DENND4A: variants seen among roughly 807,000 people sequenced by gnomAD.
The protein encoded by DENND4A is DENN domain containing 4A.
In DENND4A, 70 loss-of-function variants were observed where a neutral mutation model predicts 199.3. The ratio of observed to expected loss-of-function variants is 0.35; its 90% CI spans 0.29 to 0.43. The LOEUF (loss-of-function observed/expected upper bound fraction) is 0.43, where lower values mean the gene tolerates loss of function less well. Ranked by LOEUF, DENND4A falls within the 20% of genes least tolerant of loss-of-function variation. The pLI, the probability that DENND4A is intolerant of heterozygous loss-of-function variation, is 1.00. For missense variants in DENND4A, 1,723 were observed against 2,255.8 expected (o/e 0.76, Z 4.78); for synonymous variants, 686 against 766.9 (o/e 0.89, Z 1.74).
At chr15:65,688,395 A>C (rs570527890) in intron 23 of DENND4A, among the ~76,000 whole-genome samples, 52 of 152,244 alleles carry the variant, frequency 3.4e-4, no homozygotes, top group Non-Finnish European at 5.4e-4. Context: ...CTGGTCCTTT[A>C]TACCAAGTAA....
intron 11 of DENND4A, among the ~76,000 whole-genome samples, chr15:65,728,430 T>C (rs2075869727): frequency 6.6e-6 from 1 of 152,140 alleles, no homozygotes; most frequent in African/African-American, 2.4e-5. Flanking sequence ...AATAAACTTT[T>C]TCTATTTCTA....
intron 15 of DENND4A, among the ~76,000 whole-genome samples, chr15:65,705,551 G>T (rs2075020475): frequency 6.6e-6 from 1 of 152,098 alleles, no homozygotes; most frequent in African/African-American, 2.4e-5. Context: ...TTAGCACAGT[G>T]TCTAACCAAA....
At position 65,773,913 on chromosome 15, in the gene DENND4A, T is replaced by A. The variant is rs563853250; in HGVS notation, c.-101-12475A>T. Among the ~76,000 whole-genome samples the A allele has an allele frequency of 3.9e-5, 6 of 152,276 alleles. No individual in the cohort carries two copies. The South Asian group carries it at 1.2e-3, about 32-fold the overall frequency. On this transcript the variant is annotated intron_variant, in intron 1 of 32. Coordinates refer to ENST00000443035, the MANE Select transcript of DENND4A (RefSeq NM_001320835.1). ...TATTTTTAATGGGGTGGAGGAGGAA[T>A]CATGAATGAGTGGATAAAGGAATTG...
chr15:65,707,204 A>C (rs2075092143), intron 14 of DENND4A, among the ~76,000 whole-genome samples: 1 of 152,140 alleles, frequency 6.6e-6, no homozygotes, highest in African/African-American at 2.4e-5. Context: ...ATCCAGAAAA[A>C]ATGAAAACTT....
At chr15:65,700,119 C>T (rs759428831) in intron 20 of DENND4A, among the ~76,000 whole-genome samples, 2 of 152,070 alleles carry the variant, frequency 1.3e-5, no homozygotes, top group African/African-American at 2.4e-5. Context: ...TAATACCTTA[C>T]ATAACCATAG....
chr15:65,729,434 T>C, intron 10 of DENND4A, 100 bp downstream of exon 10: 4 of 1,461,790 alleles, frequency 2.7e-6, no homozygotes, highest in Non-Finnish European at 3.7e-6. Flanking sequence ...AATTCATTAC[T>C]CTCTGAATTT....
At chr15:65,678,114 G>C (rs2076448591) in intron 23 of DENND4A, among the ~76,000 whole-genome samples, 1 of 151,904 alleles carries the variant, frequency 6.6e-6, no homozygotes, top group Non-Finnish European at 1.5e-5. Flanking sequence ...TTGTAGTAGA[G>C]ACGGGGTTTC....
chr15:65,775,500 G>A (rs1009751553), intron 1 of DENND4A, among the ~76,000 whole-genome samples: 1 of 151,584 alleles, frequency 6.6e-6, no homozygotes, highest in African/African-American at 2.4e-5. Flanking sequence ...AATTAGCCGG[G>A]TGTGGTGATG....
intron 11 of DENND4A, among the ~76,000 whole-genome samples, chr15:65,725,078 T>C (rs1022968634): frequency 6.6e-6 from 1 of 152,222 alleles, no homozygotes; most frequent in African/African-American, 2.4e-5. Context: ...ATCTTCCCTC[T>C]AAAACTTGGC....
At position 65,701,611 on chromosome 15, in the gene DENND4A, A is replaced by C. The variant is rs1596472258; in HGVS notation, c.2559+151T>G. 10 of 734,424 alleles carry C rather than the reference A, an allele frequency of 1.4e-5. No individual in the cohort carries two copies. The East Asian group carries it at 2.8e-4, about 21-fold the overall frequency. 45.5% of individuals were successfully genotyped at this position (734,424 alleles called of 1,614,324 possible). ...AAAATCAAAGTAGATTGTATAACATAAAAGAGAACTAAAGTCTTCCTTGAT... is the reference window on the plus strand; with the variant it reads ...AAAATCAAAGTAGATTGTATAACATCAAAGAGAACTAAAGTCTTCCTTGAT... On this transcript the variant is annotated intron_variant, in intron 18 of 32. Transcript: ENST00000443035.
chr15:65,782,923 C>T (rs888934488), intron 1 of DENND4A, among the ~76,000 whole-genome samples: 1 of 149,940 alleles, frequency 6.7e-6, no homozygotes, highest in African/African-American at 2.4e-5. Flanking sequence ...TGAAGCAGTG[C>T]TATTCTGACT....
intron 7 of DENND4A, among the ~76,000 whole-genome samples, chr15:65,733,571 C>G (rs1266565014): frequency 6.6e-6 from 1 of 152,084 alleles, no homozygotes; most frequent in African/African-American, 2.4e-5. Flanking sequence ...TATGTTTTGA[C>G]TGTTTACTAT....
chr15:65,672,010 T>G (rs1480348591), intron 24 of DENND4A, 124 bp from the exon 25 acceptor site: 2 of 657,584 alleles, frequency 3.0e-6, no homozygotes, highest in South Asian at 3.6e-5. Context: ...ATATTAAAAC[T>G]AATTAGGAAA....
At chr15:65,682,670 C>T (rs535284471) in intron 23 of DENND4A, among the ~76,000 whole-genome samples, 19 of 152,338 alleles carry the variant, frequency 1.2e-4, no homozygotes, top group African/African-American at 3.8e-4. Flanking sequence ...GGAGACCTCA[C>T]TTTCGGCCTT....
At chr15:65,778,429 C>G (rs2077340731) in intron 1 of DENND4A, among the ~76,000 whole-genome samples, 1 of 145,400 alleles carries the variant, frequency 6.9e-6, no homozygotes, top group Non-Finnish European at 1.5e-5. Context: ...AACTAAAATA[C>G]TCAGTGGTAA....
At chr15:65,701,727 G>A (rs1276493918) in intron 18 of DENND4A, 35 bp downstream of exon 18, 1 of 1,592,892 alleles carries the variant, frequency 6.3e-7, no homozygotes. Context: ...AATGACAAAA[G>A]TAATACTCTT....
intron 20 of DENND4A, among the ~76,000 whole-genome samples, chr15:65,699,853 T>C (rs2077287981): frequency 6.6e-6 from 1 of 151,544 alleles, no homozygotes; most frequent in African/African-American, 2.4e-5. Flanking sequence ...CTAATTTTTG[T>C]ATTTTTGTAG....
chr15:65,790,094 C>A (rs1277158799), intron 1 of DENND4A, among the ~76,000 whole-genome samples: 1 of 152,108 alleles, frequency 6.6e-6, no homozygotes, highest in Non-Finnish European at 1.5e-5. Context: ...TACAATTCTG[C>A]CATAATTTTT....
intron 23 of DENND4A, among the ~76,000 whole-genome samples, chr15:65,680,217 G>A (rs889712942): frequency 6.6e-6 from 1 of 152,136 alleles, no homozygotes; most frequent in African/African-American, 2.4e-5. Context: ...CTTGGTAGCT[G>A]ATCTCTCTTA....
Sources: allele counts gnomAD v4.1 joint callset (sites outside exome capture counted in the v4.1 genomes callset), GRCh38; gene constraint gnomAD v4.1.1; transcripts MANE v1.5; gene names NCBI Gene and HGNC (gene_info 2026-07-23, HGNC 2026-07-21).